Variants in CCDC3 observed in about 807,000 individuals in gnomAD.
CCDC3 encodes coiled-coil domain containing 3, also known as coiled-coil domain-containing protein 3.
Under a neutral mutation model 21.4 loss-of-function variants are expected in CCDC3, and 24 were observed. The observed-to-expected ratio is 1.12, with a 90% CI of 0.81 to 1.58. CCDC3 has a LOEUF of 1.58. Ranked by LOEUF, CCDC3 falls within the 40% of genes most tolerant of loss-of-function variation. CCDC3 has a pLI of 0.00. For synonymous variants in CCDC3, 186 were observed against 166.0 expected, an observed-to-expected ratio of 1.12 and a Z score of -0.93; for missense variants, 425 against 360.9, an observed-to-expected ratio of 1.18 and a Z score of -1.44.
At chr10:12,969,524 C>A (rs1200863808) in intron 2 of CCDC3, among the ~76,000 whole-genome samples, 1 of 151,590 alleles carries the variant, frequency 6.6e-6, no homozygotes, top group Non-Finnish European at 1.5e-5. Flanking sequence ...AGCTTACGTA[C>A]CCAGTAGTAA....
At chr10:13,034,134 C>G (rs1038040847) in intron 5 of CCDC3, among the ~76,000 whole-genome samples, 9 of 152,032 alleles carry the variant, frequency 5.9e-5, no homozygotes, top group African/African-American at 2.2e-4. Flanking sequence ...AAATGTGGCA[C>G]ATATACACCA....
At chr10:13,038,824 G>A (rs1836412691) in intron 5 of CCDC3, among the ~76,000 whole-genome samples, 1 of 152,210 alleles carries the variant, frequency 6.6e-6, no homozygotes, top group African/African-American at 2.4e-5. Context: ...AGATCTGTGG[G>A]CTGGGGAGAG....
At chr10:12,970,409 T>C (rs902068158) in intron 2 of CCDC3, among the ~76,000 whole-genome samples, 1 of 152,192 alleles carries the variant, frequency 6.6e-6, no homozygotes, top group African/African-American at 2.4e-5. Flanking sequence ...ATCTGTAGTA[T>C]GTATTGGAAA....
At position 13,001,609 on chromosome 10, in the gene CCDC3, G is replaced by A. The variant is rs1835857045; in HGVS notation, c.-39C>T. The stretch of plus-strand genomic sequence containing the variant: ...GGGGCGCACGGGGCGGCGGCGGGGA[G>A]CCCGGGGAGCCCGCCGGCCCGGGAA... On this transcript the variant is annotated 5_prime_UTR_variant, in exon 1 of 3. Transcript: ENST00000378825. The A allele has an allele frequency of 6.3e-6, 7 of 1,109,506 alleles. No homozygotes were observed. In the Admixed American group the frequency reaches 2.0e-4, roughly 32 times the overall value. 68.7% of individuals were successfully genotyped at this position (1,109,506 alleles called of 1,614,324 possible). A position where few individuals can be genotyped will look rare whatever the true frequency, so the allele number is the denominator to read the frequency against.
At chr10:12,983,153 TATATATATATATATATATATA>T (rs1835531852) in intron 2 of CCDC3, among the ~76,000 whole-genome samples, 1 of 62,780 alleles carries the variant, frequency 1.6e-5, no homozygotes, top group African/African-American at 5.6e-5. Context: ...TATATATATA[TATATATATATATATATATATA>T]AAATCTATAG....
At chr10:12,979,754 G>A (rs1835467513) in intron 2 of CCDC3, among the ~76,000 whole-genome samples, 1 of 152,022 alleles carries the variant, frequency 6.6e-6, no homozygotes, top group Non-Finnish European at 1.5e-5. Flanking sequence ...CTCAAACTTT[G>A]GCTAAATAAA....
intron 4 of CCDC3, among the ~76,000 whole-genome samples, chr10:13,064,411 T>A (rs1836799065): frequency 6.6e-6 from 1 of 152,202 alleles, no homozygotes; most frequent in African/African-American, 2.4e-5. Context: ...CCTGAAAATC[T>A]GAGCCAGGTC....
At chr10:12,908,976 C>G (rs189212724) in intron 2 of CCDC3, among the ~76,000 whole-genome samples, 1 of 152,264 alleles carries the variant, frequency 6.6e-6, no homozygotes, top group Non-Finnish European at 1.5e-5. Context: ...AGATGTTCTA[C>G]TTTTATTTTC....
intron 5 of CCDC3, among the ~76,000 whole-genome samples, chr10:13,038,625 G>C (rs1836409241): frequency 6.6e-6 from 1 of 152,198 alleles, no homozygotes; most frequent in Non-Finnish European, 1.5e-5. Context: ...AAGTAGCCTG[G>C]GGTGCTCCAA....
chr10:12,997,249 A>G (rs1835775806), intron 2 of CCDC3, among the ~76,000 whole-genome samples: 1 of 152,066 alleles, frequency 6.6e-6, no homozygotes, highest in African/African-American at 2.4e-5. Context: ...ATGGAAAAAA[A>G]AAAAAAAAGT....
chr10:12,938,064 C>G (rs960823573), intron 2 of CCDC3, among the ~76,000 whole-genome samples: 17 of 152,218 alleles, frequency 1.1e-4, no homozygotes, highest in Non-Finnish European at 2.2e-4. Context: ...ATGGAATTCT[C>G]TCCATCTGCC....
chr10:12,926,639 C>T (rs1169651737), intron 2 of CCDC3, among the ~76,000 whole-genome samples: 1 of 152,120 alleles, frequency 6.6e-6, no homozygotes, highest in Non-Finnish European at 1.5e-5. Context: ...ATGGACTAAA[C>T]ACTAATAAGT....
chr10:12,998,341 A>G lies in CCDC3; in HGVS notation c.546T>C (p.Ser182=). The G allele has an allele frequency of 1.9e-6, 3 of 1,613,900 alleles. No individual in the cohort carries two copies. The highest frequency in any genetic ancestry group is 2.5e-6 in the Non-Finnish European group (3 of 1,179,892). The change falls in exon 2 of 3, where the codon AGT becomes AGC. Residue 182 remains serine, a synonymous_variant. Transcript: ENST00000378825. The stretch of plus-strand genomic sequence containing the variant: ...ACAGGATTTAGCCAATTCTTACCCT[A>G]CTGTCTTCCTGGATTTCCCAGTCAC... ...FSSDWEIQED[S]RLMCSSVQKA... is the part of the protein sequence containing the mutation.
intron 4 of CCDC3, among the ~76,000 whole-genome samples, chr10:13,053,405 T>C (rs2131426802): frequency 6.6e-6 from 1 of 151,510 alleles, no homozygotes; most frequent in South Asian, 2.1e-4. Context: ...CCCATCTCCA[T>C]GAAAAAATTT....
intron 4 of CCDC3, chr10:13,058,287 C>A: frequency 7.3e-7 from 1 of 1,365,548 alleles, no homozygotes; most frequent in Non-Finnish European, 1.0e-6. Flanking sequence ...CTTTCCACAT[C>A]GTATTCATCG....
chr10:12,998,225 C>T, intron 2 of CCDC3, 113 bp downstream of exon 2: 2 of 1,195,326 alleles, frequency 1.7e-6, no homozygotes, highest in Non-Finnish European at 2.4e-6. Flanking sequence ...TACGCTAATA[C>T]TCTCTGATCT....
intron 4 of CCDC3, among the ~76,000 whole-genome samples, chr10:13,065,047 C>T (rs1328455282): frequency 6.6e-6 from 1 of 152,004 alleles, no homozygotes; most frequent in African/African-American, 2.4e-5. Flanking sequence ...AGTGATTTTG[C>T]AGCCCCAAGA....
chr10:12,903,713 G>A (rs1481875763), intron 2 of CCDC3, among the ~76,000 whole-genome samples: 1 of 152,228 alleles, frequency 6.6e-6, no homozygotes, highest in Non-Finnish European at 1.5e-5. Flanking sequence ...TAGGATGCCT[G>A]CCTAAGGGCA....
At chr10:12,922,241 C>T (rs1205641589) in intron 2 of CCDC3, among the ~76,000 whole-genome samples, 2 of 152,218 alleles carry the variant, frequency 1.3e-5, no homozygotes, top group South Asian at 2.1e-4. Flanking sequence ...CAGTCTACAG[C>T]GTGAGCTGCC....
Sources: allele counts gnomAD v4.1 joint callset (sites outside exome capture counted in the v4.1 genomes callset), GRCh38; gene constraint gnomAD v4.1.1; transcripts MANE v1.5; gene names NCBI Gene and HGNC (gene_info 2026-07-23, HGNC 2026-07-21).